Variants in MYO1D observed in about 807,000 individuals in gnomAD.
MYO1D encodes the protein unconventional myosin-Id.
Under a neutral mutation model 122.0 loss-of-function variants are expected in MYO1D, and 83 were observed. The ratio of observed to expected loss-of-function variants is 0.68; its 90% CI spans 0.57 to 0.82. The LOEUF is 0.82. Among genes scored for constraint, MYO1D ranks in the 40% least tolerant of loss-of-function variants. MYO1D has a pLI of 0.00. For synonymous variants in MYO1D, 464 were observed against 446.9 expected, an observed-to-expected ratio of 1.04 and a Z score of -0.48; for missense variants, 1,157 against 1,269.5, an observed-to-expected ratio of 0.91 and a Z score of 1.35.
At chr17:32,749,902 T>C (rs2089880960) in intron 11 of MYO1D, among the ~76,000 whole-genome samples, 1 of 152,216 alleles carries the variant, frequency 6.6e-6, no homozygotes, top group Non-Finnish European at 1.5e-5. Context: ...CAGTCTTCAA[T>C]GCTGACATAT....
At chr17:32,721,922 C>A (rs1404743880) in intron 14 of MYO1D, among the ~76,000 whole-genome samples, 1 of 152,162 alleles carries the variant, frequency 6.6e-6, no homozygotes, top group African/African-American at 2.4e-5. Context: ...TCAATGAGGT[C>A]AAATGTATCC....
intron 16 of MYO1D, among the ~76,000 whole-genome samples, chr17:32,690,891 C>G (rs1164350906): frequency 6.6e-6 from 1 of 152,144 alleles, no homozygotes; most frequent in Non-Finnish European, 1.5e-5. Flanking sequence ...AGACTAACAC[C>G]ATATCCTTTA....
At chr17:32,861,532 G>GTAA (rs2091077297) in intron 1 of MYO1D, among the ~76,000 whole-genome samples, 1 of 152,160 alleles carries the variant, frequency 6.6e-6, no homozygotes, top group African/African-American at 2.4e-5. Flanking sequence ...TCACCCTGAT[G>GTAA]TAAAGCCCTT....
intron 21 of MYO1D, among the ~76,000 whole-genome samples, chr17:32,542,345 T>C (rs1910859851): frequency 2.0e-5 from 3 of 152,220 alleles, no homozygotes; most frequent in South Asian, 4.1e-4. Context: ...CACACTGCTA[T>C]TGTGCCTTAT....
chr17:32,774,256 C>G (rs2090152497), intron 4 of MYO1D, among the ~76,000 whole-genome samples: 1 of 152,214 alleles, frequency 6.6e-6, no homozygotes, highest in South Asian at 2.1e-4. Flanking sequence ...TCCTAAAGAC[C>G]CCCATGGATT....
intron 16 of MYO1D, among the ~76,000 whole-genome samples, chr17:32,672,375 G>C (rs146520728): frequency 2.0e-3 from 297 of 152,224 alleles, no homozygotes; most frequent in Admixed American, 3.5e-3. Context: ...TGAGAGACTT[G>C]GACTTGCTAT....
At chr17:32,728,361 C>G (rs2089599878) in intron 14 of MYO1D, among the ~76,000 whole-genome samples, 1 of 152,078 alleles carries the variant, frequency 6.6e-6, no homozygotes, top group African/African-American at 2.4e-5. Context: ...TGCACACCAC[C>G]ATGCCTGGCT....
At chr17:32,767,040 A>G (rs2090066315) in intron 7 of MYO1D, among the ~76,000 whole-genome samples, 1 of 152,248 alleles carries the variant, frequency 6.6e-6, no homozygotes, top group Non-Finnish European at 1.5e-5. Context: ...ATTTGAATCC[A>G]TGTTGTCATT....
rs142755797 is a variant in MYO1D at position 32,835,540 on chromosome 17, C to T, written c.95+41238G>A. Among the ~76,000 whole-genome samples the T allele has an allele frequency of 3.9e-5, 6 of 152,310 alleles. No individual in the cohort carries two copies. In the East Asian group the frequency reaches 9.6e-4, roughly 24 times the overall value. On this transcript the variant is annotated intron_variant, in intron 1 of 21. Transcript: ENST00000318217. ...CATTGTCACAAAGAGCTTTCTTACA[C>T]GGCCCTGAAATGGATTCCCTGGCAT... is the stretch of plus-strand genomic sequence containing the variant.
chr17:32,873,301 T>A (rs2091199516), intron 1 of MYO1D, among the ~76,000 whole-genome samples: 1 of 152,056 alleles, frequency 6.6e-6, no homozygotes, highest in South Asian at 2.1e-4. Flanking sequence ...GACTATTACA[T>A]GACTTAAAGG....
chr17:32,851,508 A>C (rs2090988625), intron 1 of MYO1D, among the ~76,000 whole-genome samples: 1 of 152,156 alleles, frequency 6.6e-6, no homozygotes, highest in Non-Finnish European at 1.5e-5. Context: ...TCTACTCCTC[A>C]GCTCAATGCA....
intron 1 of MYO1D, among the ~76,000 whole-genome samples, chr17:32,807,413 T>C (rs1476882475): frequency 6.6e-6 from 1 of 152,196 alleles, no homozygotes; most frequent in Non-Finnish European, 1.5e-5. Context: ...ACACTGTATC[T>C]TACGTGTCAT....
At chr17:32,679,002 A>G (rs2150965401) in intron 16 of MYO1D, among the ~76,000 whole-genome samples, 1 of 149,658 alleles carries the variant, frequency 6.7e-6, no homozygotes, top group African/African-American at 2.5e-5. Flanking sequence ...CATTTCTCTG[A>G]TGGCCAGTGA....
At chr17:32,539,377 A>G (rs1033659619) in intron 21 of MYO1D, among the ~76,000 whole-genome samples, 1 of 152,140 alleles carries the variant, frequency 6.6e-6, no homozygotes, top group South Asian at 2.1e-4. Context: ...ATTTTTTTAA[A>G]AACCATACTG....
intron 20 of MYO1D, among the ~76,000 whole-genome samples, chr17:32,630,728 A>G (rs949034510): frequency 1.3e-5 from 2 of 152,016 alleles, no homozygotes. Context: ...GCCTGCCGCC[A>G]CATCTGGCTA....
chr17:32,591,960 T>C (rs1271448935), intron 21 of MYO1D, among the ~76,000 whole-genome samples: 1 of 152,238 alleles, frequency 6.6e-6, no homozygotes, highest in Non-Finnish European at 1.5e-5. Context: ...TGTCATAGTC[T>C]TTTTCATGGC....
chr17:32,658,570 G>A (rs1165558611), intron 17 of MYO1D: 3 of 152,202 alleles, frequency 2.0e-5, no homozygotes, highest in South Asian at 2.1e-4. Context: ...AAGACAGCTC[G>A]CTCTAAAAAC....
intron 1 of MYO1D, among the ~76,000 whole-genome samples, chr17:32,812,073 T>C (rs929964111): frequency 6.6e-6 from 1 of 152,350 alleles, no homozygotes; most frequent in East Asian, 1.9e-4. Flanking sequence ...CTATTACTAC[T>C]TGTAGCCAAC....
chr17:32,772,596 C>G (rs895912199), intron 5 of MYO1D, among the ~76,000 whole-genome samples, 193 bp downstream of exon 5: 2 of 152,162 alleles, frequency 1.3e-5, no homozygotes, highest in African/African-American at 4.8e-5. Context: ...CTGGGTGGAA[C>G]AGTCATGTTC....
Sources: allele counts gnomAD v4.1 joint callset (sites outside exome capture counted in the v4.1 genomes callset), GRCh38; gene constraint gnomAD v4.1.1; transcripts MANE v1.5; gene names NCBI Gene and HGNC (gene_info 2026-07-23, HGNC 2026-07-21).